The following WNK2 variants were observed in gnomAD, a reference collection of about 807,000 sequenced individuals.
WNK2 encodes the protein serine/threonine-protein kinase WNK2.
In WNK2, 67 loss-of-function variants were observed where a neutral mutation model predicts 192.1. That is an observed-to-expected ratio of 0.35 (90% CI 0.29 to 0.43). The LOEUF is 0.43. WNK2 is among the 20% of genes least tolerant of loss of function. WNK2 has a pLI of 1.00. For missense variants in WNK2, 2,698 were observed against 3,089.7 expected (o/e 0.87, Z 3.01); for synonymous variants, 1,439 against 1,393.9 (o/e 1.03, Z -0.72).
intron 7 of WNK2, among the ~76,000 whole-genome samples, chr9:93,242,246 G>A (rs76974028): frequency 0.025 from 3,778 of 152,246 alleles, 178 homozygotes; most frequent in African/African-American, 0.086. Context: ...CACTATCACC[G>A]CAGATGCTGC....
chr9:93,205,561 C>T (rs1001298225), intron 2 of WNK2, among the ~76,000 whole-genome samples: 2 of 151,846 alleles, frequency 1.3e-5, no homozygotes, highest in East Asian at 1.9e-4. Context: ...TCCTTCGGCC[C>T]GCCCCGCGGC....
At chr9:93,186,423 A>G (rs536652451) in intron 2 of WNK2, among the ~76,000 whole-genome samples, 2 of 152,298 alleles carry the variant, frequency 1.3e-5, no homozygotes, top group African/African-American at 4.8e-5. Context: ...GTCCTGGGAC[A>G]GCCTAGGAAG....
In WNK2 at chr9:93,239,621, G is replaced by T; in HGVS notation, c.1323-136G>T. The T allele has an allele frequency of 1.5e-6, 1 of 665,372 alleles. No individual in the cohort carries two copies. The highest frequency in any genetic ancestry group is 2.6e-6 in the Non-Finnish European group (1 of 391,458). 41.2% of individuals were successfully genotyped at this position (665,372 alleles called of 1,614,324 possible). ...CACTGAAATCTTTTCTTTACCCCTGGGAGTGCTGAGACATGAGGCCTGGCC... is the reference window on the plus strand; with the variant it reads ...CACTGAAATCTTTTCTTTACCCCTGTGAGTGCTGAGACATGAGGCCTGGCC... On this transcript the variant is annotated intron_variant, in intron 6 of 29. Coordinates refer to ENST00000427277, the MANE Select transcript of WNK2 (RefSeq NM_006648.4). This position sits in a 1 kb window ranked among gnomAD's most constrained non-coding sequence, Gnocchi z 4.2.
intron 23 of WNK2, among the ~76,000 whole-genome samples, chr9:93,293,385 T>A (rs1588491937): frequency 6.7e-6 from 1 of 150,010 alleles, no homozygotes; most frequent in East Asian, 2.0e-4. Flanking sequence ...AGTGGTGCAA[T>A]CTTCGCTCGC....
chr9:93,294,322 A>T (rs949116829), intron 23 of WNK2, among the ~76,000 whole-genome samples: 11 of 152,042 alleles, frequency 7.2e-5, no homozygotes, highest in African/African-American at 2.7e-4. Context: ...CTGCTGGGAG[A>T]GGCAGGAAGG....
intron 8 of WNK2, among the ~76,000 whole-genome samples, chr9:93,250,756 A>G (rs1842481014): frequency 6.6e-6 from 1 of 150,912 alleles, no homozygotes; most frequent in Non-Finnish European, 1.5e-5. Context: ...TAAAATGTTT[A>G]ATTGTGTAAT....
At chr9:93,192,245 C>T (rs1487575640) in intron 2 of WNK2, among the ~76,000 whole-genome samples, 3 of 149,508 alleles carry the variant, frequency 2.0e-5, no homozygotes, top group African/African-American at 7.4e-5. Flanking sequence ...ACCCAGGAGG[C>T]GGAGGTTGAG....
chr9:93,263,755 G>A (rs767953169), intron 15 of WNK2, 21 bp downstream of exon 15: 46 of 1,411,136 alleles, frequency 3.3e-5, no homozygotes, highest in South Asian at 1.4e-4. Context: ...GGGGCGTGGC[G>A]GGGGTGTGGT....
chr9:93,208,636 G>T (rs1402412387), intron 2 of WNK2, among the ~76,000 whole-genome samples: 1 of 5,678 alleles, frequency 1.8e-4, no homozygotes, highest in Non-Finnish European at 4.9e-4. Context: ...TGTTCTCCAT[G>T]TGCACATGTT....
intron 2 of WNK2, among the ~76,000 whole-genome samples, chr9:93,190,655 C>T (rs1040102451): frequency 6.6e-6 from 1 of 152,270 alleles, no homozygotes; most frequent in Non-Finnish European, 1.5e-5. Context: ...TGGAACCTTC[C>T]GTGGTGGCAG....
chr9:93,208,514 CAT>C lies in WNK2; in HGVS notation c.682-21181_682-21180del, dbSNP rs1428751088. ...TGTGCATGTGTGTTCTCCACGTGTA[CAT>C]GTTATGTGTATTCTGTGTGTGTGCA... On this transcript the variant is annotated intron_variant, in intron 2 of 29. Transcript: ENST00000427277. Among the ~76,000 whole-genome samples, 7 of 150,706 alleles carry C rather than the reference CAT, an allele frequency of 4.6e-5. No individual in the cohort carries two copies. The East Asian group carries it at 1.2e-3, about 25-fold the overall frequency.
intron 2 of WNK2, among the ~76,000 whole-genome samples, chr9:93,190,430 C>T (rs1830129906): frequency 2.0e-5 from 3 of 152,216 alleles, no homozygotes; most frequent in Admixed American, 1.3e-4. Context: ...TGAATCAGGA[C>T]CAGGCCACCA....
chr9:93,247,683 G>A lies in WNK2; in HGVS notation c.1683G>A (p.Pro561=), dbSNP rs149864381. Residue 561 remains proline, a synonymous_variant, in exon 8 of 30, where the codon CCG becomes CCA. Coordinates refer to ENST00000427277, the MANE Select transcript of WNK2 (RefSeq NM_006648.4). This position sits in a 1 kb window ranked among gnomAD's most constrained non-coding sequence, Gnocchi z 5.2. ...QPKEQQDVGS[P]DKARGPPVPL... Reference sequence around the variant, plus strand: ...AGGAGCAGCAGGATGTGGGCAGCCCGGACAAGGCCAGGGGTCCGCCGGTGC... The same window carrying A: ...AGGAGCAGCAGGATGTGGGCAGCCCAGACAAGGCCAGGGGTCCGCCGGTGC... 37 of 1,573,136 alleles carry A rather than the reference G, an allele frequency of 2.4e-5. No homozygotes were observed. Among genetic ancestry groups the A allele is most frequent in the Non-Finnish European group, 2.9e-5 (34 of 1,159,542 alleles).
In WNK2 at chr9:93,306,826, T is replaced by C; in HGVS notation, c.6259+5T>C. 1 of 1,614,020 alleles carries C rather than the reference T, an allele frequency of 6.2e-7. No individual in the cohort carries two copies. Among genetic ancestry groups the C allele is most frequent in the South Asian group, 1.1e-5 (1 of 91,090 alleles). On this transcript the variant is annotated splice_donor_5th_base_variant and intron_variant, in intron 27 of 29. Transcript: ENST00000427277. The stretch of plus-strand genomic sequence containing the variant: ...TAGGCAAAGAACACAGCAGTAGTAA[T>C]TATCCGGGTTTTTTCCCCTTTGTCC...
rs190783011 is a variant in WNK2 at position 93,320,423 on chromosome 9, C to T, written c.*31C>T. The T allele has an allele frequency of 2.6e-5, 35 of 1,367,608 alleles. No homozygotes were observed. The highest frequency in any genetic ancestry group is 9.1e-5 in the East Asian group (2 of 21,988). 84.7% of individuals were successfully genotyped at this position (1,367,608 alleles called of 1,614,324 possible). ...CCTAGACGCCAGGCCCACTTCACGC[C>T]GTCTAAGTGGAGAAGTGACGGACCC... is the stretch of plus-strand genomic sequence containing the variant. On this transcript the variant is annotated 3_prime_UTR_variant, in exon 30 of 30. Coordinates refer to ENST00000427277, the MANE Select transcript of WNK2 (RefSeq NM_006648.4).
rs1020121671 is a variant in WNK2 at position 93,229,003 on chromosome 9, G to A, written c.682-693G>A. ...TCCCTTGTGGGATGGTGGGCAGAGC[G>A]GGCATGTGGTGCATGCACCTGACCA... On this transcript the variant is annotated intron_variant, in intron 2 of 29. Coordinates refer to ENST00000427277, the MANE Select transcript of WNK2 (RefSeq NM_006648.4). This position sits in a 1 kb window ranked among gnomAD's most constrained non-coding sequence, Gnocchi z 4.9. Among the ~76,000 whole-genome samples, 29 of 152,252 alleles carry A rather than the reference G, an allele frequency of 1.9e-4. No homozygotes were observed. The highest frequency in any genetic ancestry group is 6.7e-4 in the African/African-American group (28 of 41,534).
At chr9:93,299,846 C>A (rs1851292679) in intron 25 of WNK2, among the ~76,000 whole-genome samples, 1 of 150,034 alleles carries the variant, frequency 6.7e-6, no homozygotes, top group Admixed American at 6.6e-5. Context: ...ACCCTGCCCG[C>A]CCCTCTCCGG....
chr9:93,240,101 C>A (rs189097208), intron 7 of WNK2, 125 bp downstream of exon 7: 2 of 1,008,028 alleles, frequency 2.0e-6, no homozygotes, highest in South Asian at 1.6e-5. Context: ...GTGGGTGTGG[C>A]GGTGCCATCC....
chr9:93,221,864 G>A (rs1175204258), intron 2 of WNK2, among the ~76,000 whole-genome samples: 1 of 152,176 alleles, frequency 6.6e-6, no homozygotes, highest in Non-Finnish European at 1.5e-5. Flanking sequence ...GTTTATTCCC[G>A]TGTTTAGAAA....
Sources: gnomAD v4.1 joint callset for allele counts (sites outside exome capture counted in the v4.1 genomes callset) on GRCh38, gnomAD v4.1.1 for gene constraint, Gnocchi (gnomAD v3.1) non-coding constraint, MANE v1.5 for transcripts, NCBI Gene and HGNC (gene_info 2026-07-23, HGNC 2026-07-21) for gene names.